The following SDK1 variants were observed in gnomAD, a reference collection of about 807,000 sequenced individuals.
SDK1 encodes the protein sidekick cell adhesion molecule 1, also known as protein sidekick-1.
A neutral mutation model predicts 245.5 loss-of-function variants in SDK1; 157 were observed. That is an observed-to-expected ratio of 0.64 (90% confidence interval 0.56 to 0.73). SDK1 has a LOEUF of 0.73. Among genes scored for constraint, SDK1 ranks in the 30% least tolerant of loss-of-function variants. The pLI, the probability that SDK1 is intolerant of heterozygous loss-of-function variation, is 0.00. For synonymous variants in SDK1, 1,647 were observed against 1,278.5 expected (o/e 1.29, Z -6.15); for missense variants, 3,583 against 3,002.3 (o/e 1.19, Z -4.52).
intron 1 of SDK1, among the ~76,000 whole-genome samples, chr7:3,414,395 TG>T (rs1235475982): frequency 2.0e-5 from 3 of 152,090 alleles, no homozygotes; most frequent in Non-Finnish European, 4.4e-5. Flanking sequence ...TCATGGTGCC[TG>T]GAGTCTAAAG....
At chr7:3,864,155 T>G (rs924415243) in intron 5 of SDK1, among the ~76,000 whole-genome samples, 5 of 152,218 alleles carry the variant, frequency 3.3e-5, no homozygotes, top group African/African-American at 1.2e-4. Flanking sequence ...TACAAAGAAG[T>G]AGGCTGGTCT....
At chr7:3,664,421 G>C (rs543991848) in intron 4 of SDK1, among the ~76,000 whole-genome samples, 1 of 152,208 alleles carries the variant, frequency 6.6e-6, no homozygotes, top group East Asian at 1.9e-4. Flanking sequence ...GAATATTACA[G>C]CCTTTTTCAT....
At chr7:3,816,322 G>T (rs1779506949) in intron 4 of SDK1, among the ~76,000 whole-genome samples, 1 of 150,696 alleles carries the variant, frequency 6.6e-6, no homozygotes, top group South Asian at 2.1e-4. Context: ...TTTTTTGAAA[G>T]GATCAACAAA....
At chr7:3,791,101 T>C (rs773197415) in intron 4 of SDK1, among the ~76,000 whole-genome samples, 1 of 152,014 alleles carries the variant, frequency 6.6e-6, no homozygotes, top group Non-Finnish European at 1.5e-5. Flanking sequence ...TTTAATACTC[T>C]TAAAGCTCTT....
intron 19 of SDK1, among the ~76,000 whole-genome samples, chr7:4,063,293 C>G (rs969595048): frequency 7.9e-5 from 12 of 152,112 alleles, no homozygotes; most frequent in African/African-American, 2.7e-4. Context: ...AGTAGCATTT[C>G]TATAAACCAA....
rs749991713 is a variant in SDK1, at chr7:4,065,694, G to GTTTTTT, written c.2912-2114_2912-2109dup. 7.4e-3 allele frequency among the ~76,000 whole-genome samples: 490 copies of GTTTTTT among 66,554 alleles called. 18 individuals carry two copies. The highest frequency in any genetic ancestry group is 0.016 in the East Asian group (16 of 1,008). 43.7% of individuals were successfully genotyped at this position (66,554 alleles called of 152,430 possible). A position where few individuals can be genotyped will look rare whatever the true frequency, so the allele number is the denominator to read the frequency against. On this transcript the variant is annotated intron_variant, in intron 19 of 44. Coordinates refer to ENST00000404826, the MANE Select transcript of SDK1 (RefSeq NM_152744.4). ...AGTTTCACCCAGATGAGTGGTTGTT[G>GTTTTTT]TTTTTTTTTTTTTTTTTTTTTTTTT...
chr7:3,797,787 T>A (rs1022207478), intron 4 of SDK1, among the ~76,000 whole-genome samples: 1 of 152,178 alleles, frequency 6.6e-6, no homozygotes, highest in Non-Finnish European at 1.5e-5. Context: ...TTCAGAACTG[T>A]TTCTCTCCTG....
chr7:3,731,128 C>G (rs190565770), intron 4 of SDK1, among the ~76,000 whole-genome samples: 1 of 152,174 alleles, frequency 6.6e-6, no homozygotes, highest in East Asian at 1.9e-4. Flanking sequence ...CTAGTCTGCA[C>G]TCACTCATGC....
intron 5 of SDK1, among the ~76,000 whole-genome samples, chr7:3,902,789 C>A (rs969643534): frequency 6.6e-6 from 1 of 152,090 alleles, no homozygotes; most frequent in Non-Finnish European, 1.5e-5. Context: ...CCTGGTATAT[C>A]CTTTCTATGT....
At chr7:3,778,292 TATCTC>T (rs150917475) in intron 4 of SDK1, among the ~76,000 whole-genome samples, 2,869 of 152,284 alleles carry the variant, frequency 0.019, 109 homozygotes, top group African/African-American at 0.065. Context: ...CTAAAGAAAA[TATCTC>T]AGCATGAAAA....
chr7:4,067,084 A>G (rs749224683), intron 19 of SDK1, among the ~76,000 whole-genome samples: 7 of 152,100 alleles, frequency 4.6e-5, no homozygotes, highest in African/African-American at 7.2e-5. Flanking sequence ...ATTACAATTT[A>G]TTCTTATAAT....
chr7:3,482,327 G>A (rs1350328003), intron 1 of SDK1, among the ~76,000 whole-genome samples: 5 of 152,146 alleles, frequency 3.3e-5, no homozygotes, highest in African/African-American at 4.8e-5. Context: ...GGAGGGCAGC[G>A]AGCTCTTAGA....
At chr7:3,685,419 A>T (rs1163200753) in intron 4 of SDK1, among the ~76,000 whole-genome samples, 2 of 152,224 alleles carry the variant, frequency 1.3e-5, no homozygotes, top group East Asian at 1.9e-4. Context: ...ACAGAAAGGT[A>T]GGAAAAGATG....
chr7:3,561,110 G>T (rs1395022654), intron 1 of SDK1, among the ~76,000 whole-genome samples: 1 of 151,996 alleles, frequency 6.6e-6, no homozygotes, highest in Non-Finnish European at 1.5e-5. Flanking sequence ...ATGCTAGATT[G>T]CAAGCTTGAT....
Position 4,000,416 on chromosome 7 carries a change from C to T in SDK1, c.2132-10550C>T, listed in dbSNP as rs558642570. Among the ~76,000 whole-genome samples the T allele has an allele frequency of 1.1e-4, 17 of 152,274 alleles. 1 individual carries two copies. The highest frequency in any genetic ancestry group is 3.6e-4 in the African/African-American group (15 of 41,566). On this transcript the variant is annotated intron_variant, in intron 14 of 44. Transcript: ENST00000404826. ...TGGGCCAAGACTAGCTTTTGGAGCA[C>T]GTTCTCTGAGTCCCAGTGCCTCTCC...
In SDK1 at chr7:4,265,296, T is replaced by G; in HGVS notation, c.6554T>G (p.Val2185Gly). The change falls in exon 45 of 45, where the codon GTC becomes GGC. Residue 2185 changes from valine (V) to glycine (G), a missense_variant. Coordinates refer to ENST00000404826, the MANE Select transcript of SDK1 (RefSeq NM_152744.4). ...GAGGCGGGCGCGCAGCTGCACCCGG[T>G]CATCACCACGCAGAGCGCGGGCGGC... Reference protein sequence around the residue: ...GSEAGAQLHPVITTQSAGGVY... With the variant: ...GSEAGAQLHPGITTQSAGGVY... 6.3e-7 allele frequency: 1 copy of G among 1,580,120 alleles called. No individual in the cohort carries two copies. The highest frequency in any genetic ancestry group is 8.5e-7 in the Non-Finnish European group (1 of 1,170,566).
intron 5 of SDK1, among the ~76,000 whole-genome samples, chr7:3,892,573 C>T (rs1053585635): frequency 1.3e-5 from 2 of 152,210 alleles, no homozygotes; most frequent in African/African-American, 4.8e-5. Flanking sequence ...AGAGACAAAT[C>T]ATTTTGAACA....
intron 5 of SDK1, among the ~76,000 whole-genome samples, chr7:3,827,739 G>A (rs1306077110): frequency 6.6e-6 from 1 of 152,148 alleles, no homozygotes; most frequent in East Asian, 1.9e-4. Flanking sequence ...ATGTGTTTAA[G>A]AGCCAATGTG....
chr7:4,125,740 C>A (rs1784356447), intron 25 of SDK1, among the ~76,000 whole-genome samples: 1 of 152,212 alleles, frequency 6.6e-6, no homozygotes, highest in African/African-American at 2.4e-5. Flanking sequence ...AAGGCTAGGA[C>A]TGGTCATAGC....
Sources: allele counts gnomAD v4.1 joint callset (sites outside exome capture counted in the v4.1 genomes callset), GRCh38; gene constraint gnomAD v4.1.1; transcripts MANE v1.5; gene names NCBI Gene and HGNC (gene_info 2026-07-23, HGNC 2026-07-21).